Variants in ZZEF1 observed in about 807,000 individuals in gnomAD.
ZZEF1 encodes the protein zinc finger ZZ-type and EF-hand domain-containing protein 1.
A neutral mutation model predicts 342.8 loss-of-function variants in ZZEF1; 157 were observed. The ratio of observed to expected loss-of-function variants is 0.46; its 90% CI spans 0.40 to 0.52. The LOEUF (loss-of-function observed/expected upper bound fraction) is 0.52, where lower values mean the gene tolerates loss of function less well. Among genes scored for constraint, ZZEF1 ranks in the 20% least tolerant of loss-of-function variants. The pLI is 0.00. For synonymous variants in ZZEF1, 1,505 were observed against 1,429.1 expected (o/e 1.05, Z -1.20); for missense variants, 3,480 against 3,725.6 (o/e 0.93, Z 1.72).
intron 24 of ZZEF1, 187 bp from the exon 25 acceptor site, chr17:4,072,943 A>G: frequency 1.9e-6 from 1 of 516,956 alleles, no homozygotes; most frequent in Non-Finnish European, 3.2e-6. Context: ...TAAACCACCA[A>G]GTCCTGAAAT....
chr17:4,083,200 G>A (rs1597865835), intron 16 of ZZEF1, among the ~76,000 whole-genome samples: 1 of 152,228 alleles, frequency 6.6e-6, no homozygotes, highest in Non-Finnish European at 1.5e-5. Context: ...TATACAGAAG[G>A]TTGGCAGTGC....
chr17:4,092,643 T>A (rs947074605), intron 11 of ZZEF1, among the ~76,000 whole-genome samples: 2 of 152,194 alleles, frequency 1.3e-5, no homozygotes, highest in Admixed American at 1.3e-4. Flanking sequence ...TTTCTTGGCA[T>A]AAACCTTTCA....
intron 53 of ZZEF1, 59 bp from the exon 54 acceptor site, chr17:4,009,013 C>T (rs2055874230): frequency 6.6e-7 from 1 of 1,525,068 alleles, no homozygotes; most frequent in Non-Finnish European, 8.8e-7. Context: ...GCAGCTCTCC[C>T]AGACCACCTG....
intron 19 of ZZEF1, 147 bp from the exon 20 acceptor site, chr17:4,077,136 T>A: frequency 1.5e-6 from 1 of 654,434 alleles, no homozygotes. Context: ...GCCGTCCTAA[T>A]GCATTCCTCC....
At chr17:4,062,267 T>A (rs1231665289) in intron 30 of ZZEF1, among the ~76,000 whole-genome samples, 1 of 151,888 alleles carries the variant, frequency 6.6e-6, no homozygotes, top group Non-Finnish European at 1.5e-5. Context: ...AATATCACTA[T>A]CTGGTATTTT....
chr17:4,114,504 C>T, intron 3 of ZZEF1, 34 bp from the exon 4 acceptor site: 1 of 1,408,230 alleles, frequency 7.1e-7, no homozygotes, highest in Non-Finnish European at 9.4e-7. Context: ...TATATGACAT[C>T]CCTTTCACAA....
At chr17:4,104,600 A>G in intron 8 of ZZEF1, 33 bp downstream of exon 8, 1 of 1,608,946 alleles carries the variant, frequency 6.2e-7, no homozygotes, top group Non-Finnish European at 8.5e-7. Flanking sequence ...CACTGTTGAC[A>G]TTTCTATCAC....
At chr17:4,079,188 A>G (rs1268163492) in intron 18 of ZZEF1, among the ~76,000 whole-genome samples, 1 of 152,234 alleles carries the variant, frequency 6.6e-6, no homozygotes, top group Non-Finnish European at 1.5e-5. Context: ...TGAGTCAAAC[A>G]GCCCCGGTTT....
intron 9 of ZZEF1, among the ~76,000 whole-genome samples, chr17:4,097,821 C>T (rs928945504): frequency 1.3e-5 from 2 of 150,774 alleles, no homozygotes; most frequent in African/African-American, 4.9e-5. Flanking sequence ...CTGGGCCAGG[C>T]ACAGTAGCTC....
At chr17:4,018,042 GT>G in intron 46 of ZZEF1, 71 bp from the exon 47 acceptor site, 1 of 1,574,316 alleles carries the variant, frequency 6.4e-7, no homozygotes, top group Non-Finnish European at 8.6e-7. Context: ...ACTTAAACTT[GT>G]TGGCAATGTT....
At chr17:4,015,799 T>A (rs2056084954) in intron 49 of ZZEF1, among the ~76,000 whole-genome samples, 2 of 152,198 alleles carry the variant, frequency 1.3e-5, no homozygotes, top group South Asian at 4.1e-4. Flanking sequence ...TGGCCTTAAG[T>A]CAATGAGAAT....
At chr17:4,114,518 GAA>G (rs752301515) in intron 3 of ZZEF1, 48 bp from the exon 4 acceptor site, 69 of 1,354,160 alleles carry the variant, frequency 5.1e-5, no homozygotes, top group Non-Finnish European at 6.2e-5. Context: ...TTCACAAAGG[GAA>G]AAAAAAGAGT....
In ZZEF1 at chr17:4,006,656, C is replaced by T. The variant is rs1024333983; in HGVS notation, c.*234G>A. The stretch of plus-strand genomic sequence containing the variant: ...CCTTCTTAAGGGCCCCCTGCCCACC[C>T]TTTCTGAGGCATTCTGCACTGCTTG... On this transcript the variant is annotated 3_prime_UTR_variant, in exon 55 of 55. Transcript: ENST00000381638. The T allele has an allele frequency of 1.1e-5, 6 of 564,920 alleles. No individual in the cohort carries two copies. The highest frequency in any genetic ancestry group is 7.6e-5 in the African/African-American group (4 of 52,810). 35.0% of individuals were successfully genotyped at this position (564,920 alleles called of 1,614,324 possible).
At chr17:4,058,773 A>G (rs2057222819) in intron 31 of ZZEF1, among the ~76,000 whole-genome samples, 1 of 152,156 alleles carries the variant, frequency 6.6e-6, no homozygotes, top group South Asian at 2.1e-4. Context: ...CTACTTAGGA[A>G]GCTGAGGTGA....
chr17:4,043,256 C>T lies in ZZEF1; in HGVS notation c.6167-688G>A, dbSNP rs2056841011. ...GTATCTCAAGCACCTAGAGGTGTTT[C>T]TGGAGCATGGCAGGTACTTAATACT... On this transcript the variant is annotated intron_variant, in intron 38 of 54. Coordinates refer to ENST00000381638, the MANE Select transcript of ZZEF1 (RefSeq NM_015113.4). 2.0e-5 allele frequency among the ~76,000 whole-genome samples: 3 copies of T among 152,192 alleles called. No individual in the cohort carries two copies. The South Asian group carries it at 6.2e-4, about 32-fold the overall frequency.
At chr17:4,026,726 G>A (rs2056414263) in intron 42 of ZZEF1, among the ~76,000 whole-genome samples, 3 of 151,840 alleles carry the variant, frequency 2.0e-5, no homozygotes, top group African/African-American at 7.3e-5. Context: ...TACCATGCTG[G>A]CCAGGCTGGT....
rs1014441628 is a variant in ZZEF1, at chr17:4,005,746, G to A, written c.*1144C>T. ...GGCACTGTGTGGTGGGACGTGCTTC[G>A]GCCCAGACACTGCCCCTAAAGGCAT... is the stretch of plus-strand genomic sequence containing the variant. On this transcript the variant is annotated 3_prime_UTR_variant, in exon 55 of 55. Transcript: ENST00000381638. 5.3e-5 allele frequency: 8 copies of A among 152,234 alleles called. No homozygotes were observed. Among genetic ancestry groups the A allele is most frequent in the East Asian group, 1.9e-4 (1 of 5,184 alleles). The allele number at this position is 152,234 out of a possible 1,614,324, so 9.4% of individuals were successfully genotyped here. A position where few individuals can be genotyped will look rare whatever the true frequency, so the allele number is the denominator to read the frequency against.
At chr17:4,018,588 A>C (rs1203179610) in intron 46 of ZZEF1, among the ~76,000 whole-genome samples, 1 of 152,224 alleles carries the variant, frequency 6.6e-6, no homozygotes, top group Non-Finnish European at 1.5e-5. Context: ...TGAGGTACAG[A>C]AACAGCTGGA....
At chr17:4,012,900 T>C (rs2144934755) in intron 52 of ZZEF1, among the ~76,000 whole-genome samples, 1 of 152,174 alleles carries the variant, frequency 6.6e-6, no homozygotes, top group South Asian at 2.1e-4. Context: ...TTTAACAAAA[T>C]GTTAAGTCCT....
Sources: allele counts gnomAD v4.1 joint callset (sites outside exome capture counted in the v4.1 genomes callset), GRCh38; gene constraint gnomAD v4.1.1; transcripts MANE v1.5; gene names NCBI Gene and HGNC (gene_info 2026-07-23, HGNC 2026-07-21).